Variants in NFYB observed in about 807,000 individuals in gnomAD.
The protein encoded by NFYB is nuclear transcription factor Y subunit beta.
In NFYB, 13 loss-of-function variants were observed where a neutral mutation model predicts 28.0. The ratio of observed to expected loss-of-function variants is 0.46; its 90% confidence interval spans 0.30 to 0.74. NFYB has a LOEUF of 0.74. Among genes scored for constraint, NFYB ranks in the 30% least tolerant of loss-of-function variants. The probability of loss-of-function intolerance (pLI) is 0.07; values close to 1 mark genes in which losing one functional copy is unlikely to be tolerated. For missense variants in NFYB, 142 were observed against 247.6 expected (o/e 0.57, Z 2.86); for synonymous variants, 74 against 75.0 (o/e 0.99, Z 0.07).
chr12:104,126,865 AGTT>A (rs1327144431), intron 3 of NFYB, among the ~76,000 whole-genome samples: 1 of 152,252 alleles, frequency 6.6e-6, no homozygotes, highest in Non-Finnish European at 1.5e-5. Context: ...GTTGATATAA[AGTT>A]GTCTTGTCTG....
chr12:104,122,491 T>G (rs76908999), intron 5 of NFYB, among the ~76,000 whole-genome samples: 7,300 of 152,162 alleles, frequency 0.048, 224 homozygotes, highest in Non-Finnish European at 0.07. Context: ...GAGGTGAGGG[T>G]CTGGTAATCC....
rs1447731473 is a variant in NFYB at position 104,119,329 on chromosome 12, C to T, written c.*408G>A. On this transcript the variant is annotated 3_prime_UTR_variant, in exon 8 of 8. Coordinates refer to ENST00000240055, the MANE Select transcript of NFYB (RefSeq NM_006166.4). ...AGGCAACTTGCATTCAAAATGAACT[C>T]TACCCTTATATTTTATTAAAAGGGC... 1 of 153,736 alleles carries T rather than the reference C, an allele frequency of 6.5e-6. No homozygotes were observed. Among genetic ancestry groups the T allele is most frequent in the African/African-American group, 2.4e-5 (1 of 41,488 alleles). 9.5% of individuals were successfully genotyped at this position (153,736 alleles called of 1,614,324 possible). A position where few individuals can be genotyped will look rare whatever the true frequency, so the allele number is the denominator to read the frequency against.
chr12:104,122,014 T>C (rs1371224893), intron 5 of NFYB, among the ~76,000 whole-genome samples: 3 of 152,212 alleles, frequency 2.0e-5, no homozygotes, highest in Admixed American at 6.5e-5. Context: ...CTAAGAAATA[T>C]AGAAGAATTC....
At chr12:104,124,685 T>G (rs2030614873) in intron 4 of NFYB, among the ~76,000 whole-genome samples, 2 of 152,236 alleles carry the variant, frequency 1.3e-5, no homozygotes, top group Non-Finnish European at 2.9e-5. Context: ...TTCTTCATAC[T>G]AAGTCTTCAA....
At chr12:104,125,002 G>T (rs529791569) in intron 4 of NFYB, among the ~76,000 whole-genome samples, 167 of 152,146 alleles carry the variant, frequency 1.1e-3, no homozygotes, top group African/African-American at 3.9e-3. Context: ...GATATAAAAC[G>T]TGTGAATTTT....
rs551461079 is a variant in NFYB, at chr12:104,121,119, A to C, written c.511+121T>G. 7.4e-5 allele frequency: 58 copies of C among 780,422 alleles called. 1 individual carries two copies. In the Admixed American group the frequency reaches 9.1e-4, roughly 12 times the overall value. The allele number at this position is 780,422 out of a possible 1,614,324, so 48.3% of individuals were successfully genotyped here. A position where few individuals can be genotyped will look rare whatever the true frequency, so the allele number is the denominator to read the frequency against. On this transcript the variant is annotated intron_variant, in intron 6 of 7. Transcript: ENST00000240055. ...TCAAATAAAAGGGCATGAACTGATA[A>C]GAACTATTTAAAATAGTGCTTTGTC...
chr12:104,133,257 G>A (rs913484769), intron 2 of NFYB, among the ~76,000 whole-genome samples: 15 of 152,234 alleles, frequency 9.9e-5, no homozygotes, highest in African/African-American at 3.6e-4. Flanking sequence ...AAATGGGACT[G>A]AAATCCAGGG....
chr12:104,133,943 C>T (rs2031014621), intron 2 of NFYB, among the ~76,000 whole-genome samples: 1 of 152,154 alleles, frequency 6.6e-6, no homozygotes, highest in Non-Finnish European at 1.5e-5. Context: ...TAAGACACCT[C>T]TTCATTCCTA....
chr12:104,132,884 T>C (rs1438382783), intron 2 of NFYB, among the ~76,000 whole-genome samples: 1 of 152,144 alleles, frequency 6.6e-6, no homozygotes, highest in African/African-American at 2.4e-5. Context: ...TGTAGGATAA[T>C]GACAAGGGGA....
At chr12:104,128,148 A>C (rs1033952023) in intron 3 of NFYB, among the ~76,000 whole-genome samples, 3 of 152,264 alleles carry the variant, frequency 2.0e-5, no homozygotes, top group Admixed American at 6.5e-5. Flanking sequence ...TTTAACATTT[A>C]AACAGGAAGT....
Position 104,123,240 on chromosome 12 carries a change from G to A in NFYB, c.415C>T (p.Gln139Ter). The A allele has an allele frequency of 6.2e-7, 1 of 1,608,568 alleles. No homozygotes were observed. Among genetic ancestry groups the A allele is most frequent in the Non-Finnish European group, 8.5e-7 (1 of 1,177,364 alleles). Reference protein sequence around the residue: ...SYVEPLKLYLQKFREAMKGEK... With the variant: ...SYVEPLKLYL Reference sequence around the variant, plus strand: ...ATTTTATTTACCTCTCTGAATTTCTGAAGGTATAATTTCAGAGGTTCCACA... The same window carrying A: ...ATTTTATTTACCTCTCTGAATTTCTAAAGGTATAATTTCAGAGGTTCCACA... Residue 139 changes from glutamine (Q) to a stop codon, truncating the protein, a stop_gained, in exon 5 of 8, where the codon CAG (glutamine) becomes TAG (stop). Transcript: ENST00000240055. LOFTEE classifies it high-confidence loss of function.
At chr12:104,136,959 G>A (rs151293640) in intron 1 of NFYB, among the ~76,000 whole-genome samples, 1 of 152,272 alleles carries the variant, frequency 6.6e-6, no homozygotes, top group East Asian at 1.9e-4. Context: ...AGATACAAGA[G>A]CAATGCAGGG....
At position 104,121,768 on chromosome 12, in the gene NFYB, T is replaced by C. The variant is rs112154598; in HGVS notation, c.430-447A>G. ...TTCCTAAATTAATTTGGCCAAATACTTCTAGGTTCCTATGATACTGAAGAT... is the reference window on the plus strand; with the variant it reads ...TTCCTAAATTAATTTGGCCAAATACCTCTAGGTTCCTATGATACTGAAGAT... On this transcript the variant is annotated intron_variant, in intron 5 of 7. Transcript: ENST00000240055. Among the ~76,000 whole-genome samples, 376 of 152,312 alleles carry C rather than the reference T, an allele frequency of 2.5e-3. 1 individual carries two copies. In the Middle Eastern group the frequency reaches 0.034, roughly 14 times the overall value.
chr12:104,133,934 A>G (rs1045643007), intron 2 of NFYB, among the ~76,000 whole-genome samples: 3 of 152,128 alleles, frequency 2.0e-5, no homozygotes, highest in Non-Finnish European at 4.4e-5. Context: ...GACAGTTGTT[A>G]AGACACCTCT....
chr12:104,135,495 A>G lies in NFYB; in HGVS notation c.-42T>C, dbSNP rs1199350111. On this transcript the variant is annotated 5_prime_UTR_variant, in exon 2 of 8. Transcript: ENST00000240055. ...CGTGTTGTCAGTGGTGCTGAAGAAC[A>G]CCTATCTAAAAAGGTGTCTAATCTT... The G allele has an allele frequency of 6.4e-7, 1 of 1,554,012 alleles. No homozygotes were observed. The highest frequency in any genetic ancestry group is 1.2e-5 in the South Asian group (1 of 81,270).
In NFYB at chr12:104,119,712, C is replaced by T. The variant is rs1316432063; in HGVS notation, c.*25G>A. 2.5e-6 allele frequency: 4 copies of T among 1,569,576 alleles called. No individual in the cohort carries two copies. The highest frequency in any genetic ancestry group is 2.2e-5 in the East Asian group (1 of 44,472). On this transcript the variant is annotated 3_prime_UTR_variant, in exon 8 of 8. Coordinates refer to ENST00000240055, the MANE Select transcript of NFYB (RefSeq NM_006166.4). ...TCATACAGACTCTCATTTCTCTACA[C>T]TCCCCATTCCATCATTTCTTCAGAT...
At chr12:104,126,058 C>A (rs2030700151) in intron 4 of NFYB, 56 bp downstream of exon 4, 2 of 1,500,966 alleles carry the variant, frequency 1.3e-6, no homozygotes, top group South Asian at 1.4e-5. Flanking sequence ...CCTATGAATT[C>A]ATGTAGTTTC....
At chr12:104,124,313 C>T (rs889010620) in intron 4 of NFYB, among the ~76,000 whole-genome samples, 1 of 152,212 alleles carries the variant, frequency 6.6e-6, no homozygotes, top group Non-Finnish European at 1.5e-5. Flanking sequence ...AAGCACACAT[C>T]TGCCACTTCA....
chr12:104,128,407 A>C lies in NFYB; in HGVS notation c.100+17T>G, dbSNP rs759320838. On this transcript the variant is annotated intron_variant, in intron 3 of 7. Coordinates refer to ENST00000240055, the MANE Select transcript of NFYB (RefSeq NM_006166.4). ...TGCTTCAACTTGAGAATTTGGTTCTAATTGTGGCTTGCTTACCATCATGAG... is the reference window on the plus strand; with the variant it reads ...TGCTTCAACTTGAGAATTTGGTTCTCATTGTGGCTTGCTTACCATCATGAG... 1 of 1,578,462 alleles carries C rather than the reference A, an allele frequency of 6.3e-7. No homozygotes were observed. The highest frequency in any genetic ancestry group is 1.1e-5 in the South Asian group (1 of 88,060).
Sources: allele counts gnomAD v4.1 joint callset (sites outside exome capture counted in the v4.1 genomes callset), GRCh38; gene constraint gnomAD v4.1.1; transcripts MANE v1.5; gene names NCBI Gene and HGNC (gene_info 2026-07-23, HGNC 2026-07-21).